Variants in FAM120A observed in about 807,000 individuals in gnomAD.
FAM120A encodes constitutive coactivator of PPAR-gamma-like protein 1.
FAM120A carries 15 observed loss-of-function variants against 109.7 expected under a neutral mutation model. The ratio of observed to expected loss-of-function variants is 0.14; its 90% CI spans 0.09 to 0.21. The LOEUF is 0.21. FAM120A is among the 10% of genes least tolerant of loss of function. FAM120A has a pLI of 1.00. For missense variants in FAM120A, 899 were observed against 1,439.3 expected, an observed-to-expected ratio of 0.62 and a Z score of 6.07; for synonymous variants, 493 against 572.8, an observed-to-expected ratio of 0.86 and a Z score of 1.99.
In FAM120A at chr9:93,498,215, A is replaced by G. The variant is rs1324673461; in HGVS notation, c.934-575A>G. Among the ~76,000 whole-genome samples, 1 of 152,212 alleles carries G rather than the reference A, an allele frequency of 6.6e-6. No homozygotes were observed. Among genetic ancestry groups the G allele is most frequent in the Non-Finnish European group, 1.5e-5 (1 of 68,034 alleles). On this transcript the variant is annotated intron_variant, in intron 4 of 17. Coordinates refer to ENST00000277165, the MANE Select transcript of FAM120A (RefSeq NM_014612.5). This position sits in a 1 kb window ranked among gnomAD's most constrained non-coding sequence, Gnocchi z 4.4. The stretch of plus-strand genomic sequence containing the variant: ...TGAGACTAGCCTGGCCAACATGGTG[A>G]AACCCTGTCTCTATTAAAAATACAA...
Position 93,498,945 on chromosome 9 carries a change from A to C in FAM120A, c.1030+59A>C, listed in dbSNP as rs1002541778. On this transcript the variant is annotated intron_variant, in intron 5 of 17. Coordinates refer to ENST00000277165, the MANE Select transcript of FAM120A (RefSeq NM_014612.5). This position sits in a 1 kb window ranked among gnomAD's most constrained non-coding sequence, Gnocchi z 4.4. ...CATATGATAATCCAAGTAGGTTTAA[A>C]TATTCACCATATAATCTTGTAGGTT... is the stretch of plus-strand genomic sequence containing the variant. The C allele has an allele frequency of 4.9e-6, 5 of 1,017,606 alleles. No individual in the cohort carries two copies. The highest frequency in any genetic ancestry group is 1.8e-5 in the Admixed American group (1 of 55,810). 63.0% of individuals were successfully genotyped at this position (1,017,606 alleles called of 1,614,324 possible).
intron 5 of FAM120A, among the ~76,000 whole-genome samples, chr9:93,499,135 C>G (rs777513605): frequency 5.9e-5 from 9 of 152,076 alleles, no homozygotes; most frequent in Non-Finnish European, 8.8e-5. Context: ...GGCAGCAGGT[C>G]GAGGGGATGT....
chr9:93,453,341 A>G lies in FAM120A; in HGVS notation c.474+952A>G. 3 of 985,790 alleles carry G rather than the reference A, an allele frequency of 3.0e-6. No homozygotes were observed. The African/African-American group carries it at 5.2e-5, about 17-fold the overall frequency. 61.1% of individuals were successfully genotyped at this position (985,790 alleles called of 1,614,324 possible). On this transcript the variant is annotated intron_variant, in intron 1 of 17. Transcript: ENST00000277165. ...GGGCCAGAGGAGAACTTCAGGACCC[A>G]GCAGTGACTGTGAAGATAAGCACAT...
intron 1 of FAM120A, among the ~76,000 whole-genome samples, chr9:93,464,243 T>G (rs1037720700): frequency 6.6e-6 from 1 of 152,250 alleles, no homozygotes. Flanking sequence ...CATTATTCTT[T>G]GTAAAAGTCC....
In FAM120A at chr9:93,539,628, A is replaced by G. The variant is rs186738637; in HGVS notation, c.1910-3594A>G. Among the ~76,000 whole-genome samples the G allele has an allele frequency of 9.4e-3, 1,439 of 152,310 alleles. 19 individuals carry two copies. Among genetic ancestry groups the G allele is most frequent in the Non-Finnish European group, 0.01 (697 of 68,012 alleles). ...CCAGGATGTGCTGGAGCCCAGTGCCATGGGCAAGCCCACATACCCCCAGGT... is the reference window on the plus strand; with the variant it reads ...CCAGGATGTGCTGGAGCCCAGTGCCGTGGGCAAGCCCACATACCCCCAGGT... On this transcript the variant is annotated intron_variant, in intron 10 of 17. Transcript: ENST00000277165.
At position 93,529,373 on chromosome 9, in the gene FAM120A, C is replaced by A. The variant is rs762311198; in HGVS notation, c.1527C>A (p.Ala509=). 1.9e-6 allele frequency: 3 copies of A among 1,609,858 alleles called. No individual in the cohort carries two copies. Among genetic ancestry groups the A allele is most frequent in the East Asian group, 4.5e-5 (2 of 44,888 alleles). The change falls in exon 9 of 18, where the codon GCC becomes GCA. Residue 509 remains alanine, a synonymous_variant. Transcript: ENST00000277165. The part of the protein sequence containing the change: ...DQTKAEGSST[A]SSGSQLAEGK... ...TGTAGGCAGAAGGCTCGTCCACTGC[C>A]TCTTCAGGAAGCCAACTAGCCGAAG... is the stretch of plus-strand genomic sequence containing the variant.
At chr9:93,563,331 A>G (rs567318550) in intron 17 of FAM120A, among the ~76,000 whole-genome samples, 2 of 152,332 alleles carry the variant, frequency 1.3e-5, no homozygotes, top group Admixed American at 6.5e-5. Flanking sequence ...AAAAACATCC[A>G]TGTTTTCTTC....
At chr9:93,456,321 A>G (rs1285180470) in intron 1 of FAM120A, among the ~76,000 whole-genome samples, 2 of 152,218 alleles carry the variant, frequency 1.3e-5, no homozygotes, top group Admixed American at 6.5e-5. Flanking sequence ...TTGTGGTATC[A>G]GTGTAAGGGT....
chr9:93,527,871 C>T (rs1861157097), intron 8 of FAM120A, among the ~76,000 whole-genome samples: 1 of 152,088 alleles, frequency 6.6e-6, no homozygotes, highest in Admixed American at 6.5e-5. Context: ...GATCTGCCCT[C>T]CTCAGCCTCC....
intron 5 of FAM120A, among the ~76,000 whole-genome samples, chr9:93,504,915 C>G (rs1432546755): frequency 6.6e-6 from 1 of 152,046 alleles, no homozygotes. Context: ...ATTTTTTGGT[C>G]TAGTGATTAT....
rs1169943221 is a variant in FAM120A, at chr9:93,565,614, A to C, written c.*1074A>C. The C allele has an allele frequency of 2.0e-5, 3 of 151,300 alleles. No homozygotes were observed. Among genetic ancestry groups the C allele is most frequent in the African/African-American group, 7.3e-5 (3 of 41,096 alleles). 9.4% of individuals were successfully genotyped at this position (151,300 alleles called of 1,614,324 possible). On this transcript the variant is annotated 3_prime_UTR_variant, in exon 18 of 18. Coordinates refer to ENST00000277165, the MANE Select transcript of FAM120A (RefSeq NM_014612.5). ...ATTACCCTGGTGTATTCACTGCTGT[A>C]TGCATTATTGTTCTTTGTTGCTGTT...
intron 10 of FAM120A, among the ~76,000 whole-genome samples, chr9:93,533,381 G>A (rs1588890081): frequency 6.6e-6 from 1 of 152,178 alleles, no homozygotes; most frequent in East Asian, 1.9e-4. Flanking sequence ...ACCTTTCCTT[G>A]GTGATAGTTG....
intron 11 of FAM120A, among the ~76,000 whole-genome samples, chr9:93,544,965 C>T (rs949762597): frequency 2.6e-5 from 4 of 152,182 alleles, no homozygotes; most frequent in African/African-American, 7.2e-5. Flanking sequence ...ACAGGCAGCA[C>T]GTTTTTATCA....
intron 14 of FAM120A, among the ~76,000 whole-genome samples, chr9:93,558,318 G>C (rs1350367834): frequency 2.0e-5 from 3 of 152,228 alleles, no homozygotes; most frequent in Non-Finnish European, 4.4e-5. Context: ...AGGTCAGAGA[G>C]AGCCATCTTC....
At chr9:93,530,626 A>C (rs957016646) in intron 9 of FAM120A, 1 of 152,214 alleles carries the variant, frequency 6.6e-6, no homozygotes, top group African/African-American at 2.4e-5. Context: ...AATGCCTCCA[A>C]ATCTCATCTA....
At chr9:93,519,178 A>G (rs545498474) in intron 7 of FAM120A, among the ~76,000 whole-genome samples, 1 of 152,324 alleles carries the variant, frequency 6.6e-6, no homozygotes, top group Admixed American at 6.5e-5. Context: ...TGGTGGAAAC[A>G]GTTGAACTCC....
chr9:93,536,522 C>T (rs138716385), intron 10 of FAM120A, among the ~76,000 whole-genome samples: 11 of 152,324 alleles, frequency 7.2e-5, no homozygotes, highest in African/African-American at 2.6e-4. Context: ...CAGAACTATT[C>T]AAAAGGCAAG....
intron 5 of FAM120A, among the ~76,000 whole-genome samples, chr9:93,504,526 CTAAA>C (rs1235707957): frequency 1.3e-5 from 2 of 152,142 alleles, no homozygotes; most frequent in Non-Finnish European, 2.9e-5. Flanking sequence ...TGTCTGGATA[CTAAA>C]TAGTTTCATT....
chr9:93,539,225 C>G (rs1861618123), intron 10 of FAM120A, among the ~76,000 whole-genome samples: 1 of 152,140 alleles, frequency 6.6e-6, no homozygotes, highest in Admixed American at 6.5e-5. Flanking sequence ...TCTCGATCTC[C>G]TGACCTCGTG....
Sources: allele counts gnomAD v4.1 joint callset (sites outside exome capture counted in the v4.1 genomes callset), GRCh38; gene constraint gnomAD v4.1.1; non-coding constraint Gnocchi (gnomAD v3.1); transcripts MANE v1.5; gene names NCBI Gene and HGNC (gene_info 2026-07-23, HGNC 2026-07-21).